The following SS18 variants were observed in gnomAD, a reference collection of about 807,000 sequenced individuals.
The protein encoded by SS18 is protein SSXT.
Under a neutral mutation model 72.5 loss-of-function variants are expected in SS18, and 28 were observed. The ratio of observed to expected loss-of-function variants is 0.39; its 90% confidence interval spans 0.29 to 0.53. The LOEUF is 0.53. Ranked by LOEUF, SS18 falls within the 20% of genes least tolerant of loss-of-function variation. The pLI is 0.76. For missense variants in SS18, 518 were observed against 535.3 expected, an observed-to-expected ratio of 0.97 and a Z score of 0.32; for synonymous variants, 172 against 164.2, an observed-to-expected ratio of 1.05 and a Z score of -0.37.
At position 26,018,150 on chromosome 18, in the gene SS18, G is replaced by C; in HGVS notation, c.*204C>G. 1 of 466,586 alleles carries C rather than the reference G, an allele frequency of 2.1e-6. No individual in the cohort carries two copies. Among genetic ancestry groups the C allele is most frequent in the Non-Finnish European group, 3.8e-6 (1 of 259,952 alleles). The allele number at this position is 466,586 out of a possible 1,614,324, so 28.9% of individuals were successfully genotyped here. On this transcript the variant is annotated 3_prime_UTR_variant, in exon 11 of 11. Transcript: ENST00000415083. ...CAATGTTGCCATCTAGAGTAGAAAT[G>C]TGAAATCAAGAGTATTTTTGAGCTA...
intron 5 of SS18, among the ~76,000 whole-genome samples, chr18:26,047,617 A>G (rs955187230): frequency 1.7e-4 from 26 of 152,230 alleles, no homozygotes; most frequent in Non-Finnish European, 3.1e-4. Flanking sequence ...CAAGGCGGGC[A>G]GATCACAAGG....
At chr18:26,070,406 T>A (rs934965062) in intron 3 of SS18, among the ~76,000 whole-genome samples, 1 of 152,332 alleles carries the variant, frequency 6.6e-6, no homozygotes, top group Non-Finnish European at 1.5e-5. Context: ...TGTCTGCTTA[T>A]AGAACAACTT....
At chr18:26,045,120 T>C (rs1568003072) in intron 5 of SS18, among the ~76,000 whole-genome samples, 3 of 152,350 alleles carry the variant, frequency 2.0e-5, no homozygotes, top group South Asian at 4.1e-4. Flanking sequence ...ATCTCTTAAA[T>C]ACAACAAGAG....
intron 10 of SS18, 46 bp from the exon 11 acceptor site, chr18:26,018,426 A>G (rs1402536452): frequency 7.3e-7 from 1 of 1,365,482 alleles, no homozygotes; most frequent in African/African-American, 1.5e-5. Context: ...GTTTGACCAT[A>G]ACAGGCAAAG....
At chr18:26,046,201 A>G (rs1382533060) in intron 5 of SS18, among the ~76,000 whole-genome samples, 4 of 150,690 alleles carry the variant, frequency 2.7e-5, no homozygotes, top group Non-Finnish European at 5.9e-5. Flanking sequence ...CAAAAAAAAA[A>G]AAAAAAAAAA....
chr18:26,028,972 T>C (rs1043653241), intron 10 of SS18, among the ~76,000 whole-genome samples: 1 of 152,108 alleles, frequency 6.6e-6, no homozygotes, highest in Middle Eastern at 3.2e-3. Flanking sequence ...AAAAGAGTGA[T>C]GCAATGGAGG....
chr18:26,055,884 A>AG (rs1027585772), intron 4 of SS18, among the ~76,000 whole-genome samples: 10 of 150,840 alleles, frequency 6.6e-5, no homozygotes, highest in Non-Finnish European at 1.3e-4. Context: ...CAGCCTCCTG[A>AG]GTAGCTGGGA....
Position 26,035,726 on chromosome 18 carries a change from A to T in SS18, c.973+105T>A. 1 of 607,436 alleles carries T rather than the reference A, an allele frequency of 1.6e-6. No individual in the cohort carries two copies. Among genetic ancestry groups the T allele is most frequent in the Non-Finnish European group, 2.6e-6 (1 of 379,440 alleles). 37.6% of individuals were successfully genotyped at this position (607,436 alleles called of 1,614,324 possible). Reference sequence around the variant, plus strand: ...GCAACTTTCAAGAAAGCCAGCAACTAGTATTCTACAAGAGCTTTGCATGGG... The same window carrying T: ...GCAACTTTCAAGAAAGCCAGCAACTTGTATTCTACAAGAGCTTTGCATGGG... On this transcript the variant is annotated intron_variant, in intron 8 of 10. Coordinates refer to ENST00000415083, the MANE Select transcript of SS18 (RefSeq NM_001007559.3). This position sits in a 1 kb window ranked among gnomAD's most constrained non-coding sequence, Gnocchi z 4.4.
chr18:26,078,244 A>G (rs990064091), intron 2 of SS18, 84 bp from the exon 3 acceptor site: 2 of 956,498 alleles, frequency 2.1e-6, no homozygotes, highest in African/African-American at 3.4e-5. Context: ...AATCATTTCT[A>G]AAGTTTCATT....
intron 2 of SS18, chr18:26,082,468 T>A (rs563716610): frequency 1.0e-6 from 1 of 984,336 alleles, no homozygotes; most frequent in East Asian, 1.1e-4. Flanking sequence ...CGATGAATGA[T>A]CGACACTAAT....
chr18:26,057,466 G>C (rs907771324), intron 4 of SS18, 123 bp downstream of exon 4: 1 of 1,122,568 alleles, frequency 8.9e-7, no homozygotes, highest in South Asian at 1.4e-5. Flanking sequence ...AACTCTAAGA[G>C]AGCTTGTACT....
chr18:26,026,475 T>G (rs527520763), intron 10 of SS18, among the ~76,000 whole-genome samples: 1 of 152,104 alleles, frequency 6.6e-6, no homozygotes, highest in African/African-American at 2.4e-5. Context: ...CTCAGCAAAC[T>G]AGAAATATAA....
chr18:26,025,542 C>G (rs1032923477), intron 10 of SS18, among the ~76,000 whole-genome samples: 2 of 151,932 alleles, frequency 1.3e-5, no homozygotes, highest in Non-Finnish European at 2.9e-5. Context: ...AATATCACTA[C>G]AGATTATGGA....
intron 5 of SS18, among the ~76,000 whole-genome samples, chr18:26,046,114 C>T (rs1393344067): frequency 6.8e-6 from 1 of 147,058 alleles, no homozygotes; most frequent in Non-Finnish European, 1.5e-5. Context: ...AACACTTGAA[C>T]CTGGGAAGTG....
intron 2 of SS18, among the ~76,000 whole-genome samples, chr18:26,080,986 C>A (rs781011598): frequency 7.3e-5 from 11 of 151,104 alleles, no homozygotes; most frequent in Non-Finnish European, 1.5e-4. Context: ...TCTCCAATTG[C>A]CCTAATACCT....
At chr18:26,072,872 C>T (rs910069576) in intron 3 of SS18, among the ~76,000 whole-genome samples, 1 of 143,410 alleles carries the variant, frequency 7.0e-6, no homozygotes, top group Non-Finnish European at 1.5e-5. Flanking sequence ...TTGACTTGTA[C>T]ATTTTAAACA....
At chr18:26,088,696 T>C (rs1342728599) in intron 1 of SS18, among the ~76,000 whole-genome samples, 1 of 152,166 alleles carries the variant, frequency 6.6e-6, no homozygotes, top group Admixed American at 6.5e-5. Context: ...ACTTAAGTTT[T>C]CAGGGGCTGA....
At chr18:26,057,788 C>A in intron 3 of SS18, 46 bp from the exon 4 acceptor site, 3 of 1,531,866 alleles carry the variant, frequency 2.0e-6, no homozygotes, top group East Asian at 2.3e-5. Flanking sequence ...GACTAATATA[C>A]GAAAGATGCA....
At chr18:26,043,957 T>C (rs2053774666) in intron 5 of SS18, among the ~76,000 whole-genome samples, 2 of 152,240 alleles carry the variant, frequency 1.3e-5, no homozygotes, top group Non-Finnish European at 2.9e-5. Flanking sequence ...TTTGTTTCTT[T>C]AGTGACACAG....
Sources: allele counts gnomAD v4.1 joint callset (sites outside exome capture counted in the v4.1 genomes callset), GRCh38; gene constraint gnomAD v4.1.1; non-coding constraint Gnocchi (gnomAD v3.1); transcripts MANE v1.5; gene names NCBI Gene and HGNC (gene_info 2026-07-23, HGNC 2026-07-21).